The following NPAS3 variants were observed in gnomAD, a reference collection of about 807,000 sequenced individuals.
The protein encoded by NPAS3 is neuronal PAS domain protein 3, also known as neuronal PAS domain-containing protein 3.
A neutral mutation model predicts 73.1 loss-of-function variants in NPAS3; 14 were observed. The observed-to-expected ratio is 0.19, with a 90% CI of 0.13 to 0.30. The LOEUF is 0.30. Among genes scored for constraint, NPAS3 ranks in the 10% least tolerant of loss-of-function variants. The pLI, the probability that NPAS3 is intolerant of heterozygous loss-of-function variation, is 1.00. For synonymous variants in NPAS3, 620 were observed against 541.5 expected (o/e 1.14, Z -2.01); for missense variants, 1,096 against 1,250.0 (o/e 0.88, Z 1.86).
intron 5 of NPAS3, among the ~76,000 whole-genome samples, chr14:33,572,326 A>G (rs931978322): frequency 6.6e-6 from 1 of 152,150 alleles, no homozygotes; most frequent in Non-Finnish European, 1.5e-5. Flanking sequence ...TTAGAACAAG[A>G]AAGAAAGGAA....
intron 2 of NPAS3, among the ~76,000 whole-genome samples, chr14:33,194,384 A>G (rs549989727): frequency 1.3e-5 from 2 of 152,220 alleles, no homozygotes; most frequent in South Asian, 4.2e-4. Flanking sequence ...GGCCTTTTGG[A>G]ACTTTGAGCG....
intron 3 of NPAS3, among the ~76,000 whole-genome samples, chr14:33,243,699 G>A (rs1387748143): frequency 6.6e-6 from 1 of 151,890 alleles, no homozygotes; most frequent in Non-Finnish European, 1.5e-5. Context: ...GAACAAAGAT[G>A]CTACCTTTGG....
At chr14:33,728,852 G>T (rs987653679) in intron 6 of NPAS3, among the ~76,000 whole-genome samples, 2 of 152,178 alleles carry the variant, frequency 1.3e-5, no homozygotes, top group African/African-American at 4.8e-5. Flanking sequence ...CCTTAGAGAT[G>T]AATACAAGGA....
intron 5 of NPAS3, among the ~76,000 whole-genome samples, chr14:33,629,095 C>T (rs1449023920): frequency 6.6e-6 from 1 of 151,984 alleles, no homozygotes; most frequent in Non-Finnish European, 1.5e-5. Flanking sequence ...AATAGCCAGG[C>T]GTGGTGGTGG....
At chr14:33,039,264 G>T (rs2040271288) in intron 1 of NPAS3, among the ~76,000 whole-genome samples, 1 of 152,122 alleles carries the variant, frequency 6.6e-6, no homozygotes, top group Admixed American at 6.6e-5. Flanking sequence ...TGGAGGAAAA[G>T]AACTTCCTAC....
At chr14:33,618,184 G>T (rs1248882600) in intron 5 of NPAS3, among the ~76,000 whole-genome samples, 3 of 152,176 alleles carry the variant, frequency 2.0e-5, no homozygotes, top group Non-Finnish European at 2.9e-5. Context: ...CAGTTTCATG[G>T]AAGACAGTTT....
intron 4 of NPAS3, among the ~76,000 whole-genome samples, chr14:33,400,158 T>G (rs986315921): frequency 6.6e-6 from 1 of 152,170 alleles, no homozygotes; most frequent in Non-Finnish European, 1.5e-5. Context: ...GAATTTTCCT[T>G]ACATTTTTAA....
chr14:33,388,402 CA>C (rs2046860400), intron 4 of NPAS3, among the ~76,000 whole-genome samples: 1 of 151,622 alleles, frequency 6.6e-6, no homozygotes, highest in Non-Finnish European at 1.5e-5. Context: ...GGTCAAATGC[CA>C]GTGCTTAGGA....
intron 2 of NPAS3, among the ~76,000 whole-genome samples, chr14:33,194,272 C>A (rs549229231): frequency 6.6e-6 from 1 of 152,236 alleles, no homozygotes; most frequent in South Asian, 2.1e-4. Context: ...TGGAGCCTAT[C>A]AGGTATAATA....
At chr14:33,752,462 A>T (rs1312324144) in intron 7 of NPAS3, among the ~76,000 whole-genome samples, 2 of 152,134 alleles carry the variant, frequency 1.3e-5, no homozygotes, top group African/African-American at 4.8e-5. Flanking sequence ...GCTCTTTTTC[A>T]TGTGCAAAAG....
intron 3 of NPAS3, among the ~76,000 whole-genome samples, chr14:33,280,272 T>G (rs1352112681): frequency 6.6e-6 from 1 of 152,306 alleles, no homozygotes; most frequent in South Asian, 2.1e-4. Flanking sequence ...ACCCAACTTA[T>G]AAGAAACTTG....
At chr14:33,680,817 A>C (rs765427010) in intron 6 of NPAS3, 11 of 579,870 alleles carry the variant, frequency 1.9e-5, no homozygotes, top group South Asian at 1.8e-4. Flanking sequence ...ATGATGAATA[A>C]CTACAGCTGC....
At chr14:33,423,298 G>A (rs943109487) in intron 4 of NPAS3, among the ~76,000 whole-genome samples, 1 of 151,786 alleles carries the variant, frequency 6.6e-6, no homozygotes, top group Non-Finnish European at 1.5e-5. Context: ...CTTTTTTATG[G>A]GATTCAAATT....
At chr14:33,458,081 T>A (rs1442628706) in intron 4 of NPAS3, among the ~76,000 whole-genome samples, 1 of 152,210 alleles carries the variant, frequency 6.6e-6, no homozygotes, top group Non-Finnish European at 1.5e-5. Flanking sequence ...TCCAAGAAGA[T>A]TGAATATTGT....
chr14:33,364,556 TC>T (rs1566834686), intron 3 of NPAS3, among the ~76,000 whole-genome samples: 4 of 152,094 alleles, frequency 2.6e-5, no homozygotes, highest in African/African-American at 7.2e-5. Flanking sequence ...AAAAATGCCA[TC>T]GAATAGAATA....
chr14:32,936,587 A>G (rs1218192315), upstream of NPAS3, among the ~76,000 whole-genome samples: 1 of 152,204 alleles, frequency 6.6e-6, no homozygotes, highest in African/African-American at 2.4e-5. Context: ...TGGTCACAAT[A>G]GTATGGTCTG....
At chr14:33,751,524 A>G (rs973653063) in intron 7 of NPAS3, among the ~76,000 whole-genome samples, 4 of 152,196 alleles carry the variant, frequency 2.6e-5, no homozygotes, top group Non-Finnish European at 4.4e-5. Flanking sequence ...GATACAAAGC[A>G]CTGCATAGAC....
At chr14:33,344,840 G>T (rs576581235) in intron 3 of NPAS3, among the ~76,000 whole-genome samples, 19 of 152,252 alleles carry the variant, frequency 1.2e-4, no homozygotes, top group Non-Finnish European at 2.5e-4. Flanking sequence ...TTCAGTTAAT[G>T]CCATGATGCA....
At chr14:33,624,862 C>A (rs1469116284) in intron 5 of NPAS3, among the ~76,000 whole-genome samples, 1 of 152,164 alleles carries the variant, frequency 6.6e-6, no homozygotes, top group Admixed American at 6.5e-5. Context: ...CTTGAAACTA[C>A]TTCCTGCCTA....
Sources: allele counts gnomAD v4.1 joint callset (sites outside exome capture counted in the v4.1 genomes callset), GRCh38; gene constraint gnomAD v4.1.1; transcripts MANE v1.5; gene names NCBI Gene and HGNC (gene_info 2026-07-23, HGNC 2026-07-21).